The following CFAP300 variants were observed in gnomAD, a reference collection of about 807,000 sequenced individuals.
CFAP300 encodes cilia- and flagella-associated protein 300.
A neutral mutation model predicts 33.0 loss-of-function variants in CFAP300; 32 were observed. The observed-to-expected ratio is 0.97, with a 90% CI of 0.73 to 1.30. CFAP300 has a LOEUF of 1.30. Ranked by LOEUF, CFAP300 falls within the 50% of genes most tolerant of loss-of-function variation. The pLI, the probability that CFAP300 is intolerant of heterozygous loss-of-function variation, is 0.00. For missense variants in CFAP300, 356 were observed against 318.1 expected, an observed-to-expected ratio of 1.12 and a Z score of -0.90; for synonymous variants, 102 against 106.8, an observed-to-expected ratio of 0.95 and a Z score of 0.28.
At chr11:102,067,255 G>A (rs954924157) in intron 4 of CFAP300, among the ~76,000 whole-genome samples, 6 of 152,292 alleles carry the variant, frequency 3.9e-5, no homozygotes, top group South Asian at 2.1e-4. Flanking sequence ...CCAGCTGCTC[G>A]GAAGGCTGAA....
chr11:102,075,809 A>T, intron 4 of CFAP300, 64 bp from the exon 5 acceptor site: 2 of 1,304,012 alleles, frequency 1.5e-6, no homozygotes, highest in Non-Finnish European at 2.1e-6. Context: ...ATAAAATGAA[A>T]CCTTTGAAAA....
intron 1 of CFAP300, 69 bp from the exon 2 acceptor site, chr11:102,047,746 G>A: frequency 6.4e-7 from 1 of 1,562,734 alleles, no homozygotes; most frequent in Non-Finnish European, 8.7e-7. Context: ...CTGTGGGTGG[G>A]ATCGGTTATC....
In CFAP300 at chr11:102,047,820, T is replaced by C; in HGVS notation, c.116T>C (p.Met39Thr). 8.1e-6 allele frequency: 13 copies of C among 1,614,150 alleles called. No homozygotes were observed. Among genetic ancestry groups the C allele is most frequent in the Non-Finnish European group, 1.1e-5 (13 of 1,180,006 alleles). Reference sequence around the variant, plus strand: ...TTTTTCCTCCTCTGCCCCAGGTCCATGCTGGGCAGAATCAAGGCGCAGGCG... The same window carrying C: ...TTTTTCCTCCTCTGCCCCAGGTCCACGCTGGGCAGAATCAAGGCGCAGGCG... ...EITSRLRQWS[M>T]LGRIKAQAFG... The change falls in exon 2 of 7, where the codon ATG (methionine) becomes ACG (threonine). Residue 39 changes from methionine to threonine, a missense_variant. Physicochemically the swap from Met to Thr is moderately conservative, Grantham distance 81 (BLOSUM62 -1). Coordinates refer to ENST00000434758, the MANE Select transcript of CFAP300 (RefSeq NM_032930.3).
intron 2 of CFAP300, among the ~76,000 whole-genome samples, chr11:102,056,942 A>G (rs1942068448): frequency 6.6e-6 from 1 of 151,542 alleles, no homozygotes; most frequent in South Asian, 2.1e-4. Flanking sequence ...TATTTTTTAT[A>G]TGCCTATTTT....
intron 2 of CFAP300, among the ~76,000 whole-genome samples, chr11:102,050,137 A>G (rs1941947757): frequency 6.6e-6 from 1 of 152,168 alleles, no homozygotes; most frequent in Non-Finnish European, 1.5e-5. Flanking sequence ...CTCAAAAAAA[A>G]AATAATTTCT....
At chr11:102,079,278 C>T (rs185674649) in intron 5 of CFAP300, among the ~76,000 whole-genome samples, 9 of 151,992 alleles carry the variant, frequency 5.9e-5, no homozygotes, top group Admixed American at 4.6e-4. Flanking sequence ...TTATATTGAC[C>T]TAGGTGATTA....
intron 4 of CFAP300, among the ~76,000 whole-genome samples, chr11:102,074,158 C>G (rs532644395): frequency 7.7e-6 from 1 of 130,010 alleles, no homozygotes; most frequent in Non-Finnish European, 1.6e-5. Context: ...GGATGCAGTC[C>G]GGTAGGAGTT....
At chr11:102,053,583 C>CA (rs568610003) in intron 2 of CFAP300, among the ~76,000 whole-genome samples, 1 of 136,442 alleles carries the variant, frequency 7.3e-6, no homozygotes, top group Non-Finnish European at 1.6e-5. Flanking sequence ...AACAAACAAA[C>CA]AAAAACCTTC....
intron 2 of CFAP300, among the ~76,000 whole-genome samples, chr11:102,055,540 G>T (rs1165475246): frequency 6.6e-6 from 1 of 151,108 alleles, no homozygotes; most frequent in Non-Finnish European, 1.5e-5. Context: ...TGTATTTTTA[G>T]TAGAGATGGG....
At chr11:102,064,296 G>A (rs1254025695) in intron 3 of CFAP300, among the ~76,000 whole-genome samples, 2 of 152,136 alleles carry the variant, frequency 1.3e-5, no homozygotes, top group Admixed American at 6.5e-5. Context: ...CCCTCCTCCT[G>A]TGTCCACTGA....
At position 102,056,927 on chromosome 11, in the gene CFAP300, A is replaced by G. The variant is rs956493891; in HGVS notation, c.193-1953A>G. On this transcript the variant is annotated intron_variant, in intron 2 of 6. Coordinates refer to ENST00000434758, the MANE Select transcript of CFAP300 (RefSeq NM_032930.3). ...GGCCTGAGCCACCGCACCTGGCCCT[A>G]TTTTTATTTTTTATATGCCTATTTT... Among the ~76,000 whole-genome samples, 3 of 151,838 alleles carry G rather than the reference A, an allele frequency of 2.0e-5. No homozygotes were observed. In the South Asian group the frequency reaches 6.2e-4, roughly 32 times the overall value.
chr11:102,076,179 C>G, intron 5 of CFAP300, 134 bp downstream of exon 5: 2 of 934,912 alleles, frequency 2.1e-6, no homozygotes, highest in East Asian at 6.2e-5. Flanking sequence ...CTACCCTTAC[C>G]CCCCTCTCAT....
intron 2 of CFAP300, among the ~76,000 whole-genome samples, chr11:102,054,236 C>T (rs890318847): frequency 7.9e-5 from 12 of 152,176 alleles, no homozygotes; most frequent in Non-Finnish European, 1.3e-4. Context: ...TTCCCAATGC[C>T]GTTAGATTAT....
chr11:102,073,530 C>T (rs1942347281), intron 4 of CFAP300, among the ~76,000 whole-genome samples: 1 of 152,140 alleles, frequency 6.6e-6, no homozygotes, highest in Non-Finnish European at 1.5e-5. Context: ...GTGAGTTGGG[C>T]AGGGTGATCC....
At chr11:102,054,159 T>C (rs1192450398) in intron 2 of CFAP300, among the ~76,000 whole-genome samples, 1 of 152,212 alleles carries the variant, frequency 6.6e-6, no homozygotes, top group Non-Finnish European at 1.5e-5. Context: ...AGTATACCCC[T>C]TTGCCCAGCT....
chr11:102,049,038 A>G (rs1192221380), intron 2 of CFAP300, among the ~76,000 whole-genome samples: 1 of 152,356 alleles, frequency 6.6e-6, no homozygotes, highest in African/African-American at 2.4e-5. Context: ...GCAAGACTAC[A>G]ATAAATGAAA....
At position 102,083,082 on chromosome 11, in the gene CFAP300, T is replaced by C. The variant is rs1299441055; in HGVS notation, c.687T>C (p.Gly229=). The change falls in exon 7 of 7, where the codon GGT becomes GGC. Residue 229 remains glycine, a synonymous_variant. Transcript: ENST00000434758. ...VFKVSAYDSA[G]MCYPSAKNHE... is the part of the protein sequence containing the mutation. ...TTTGTCTTTTTCAGGATTCTGCTGG[T>C]ATGTGCTATCCTTCAGCAAAGAATC... 2.1e-6 allele frequency: 3 copies of C among 1,459,866 alleles called. No individual in the cohort carries two copies. Among genetic ancestry groups the C allele is most frequent in the Non-Finnish European group, 2.7e-6 (3 of 1,101,742 alleles). The allele number at this position is 1,459,866 out of a possible 1,614,324, so 90.4% of individuals were successfully genotyped here. A position where few individuals can be genotyped will look rare whatever the true frequency, so the allele number is the denominator to read the frequency against.
At chr11:102,047,765 C>G (rs773073500) in intron 1 of CFAP300, 50 bp from the exon 2 acceptor site, 12 of 1,597,940 alleles carry the variant, frequency 7.5e-6, no homozygotes, top group Non-Finnish European at 1.0e-5. Flanking sequence ...TCGGTGCGCT[C>G]TGAGAGGGTG....
intron 2 of CFAP300, among the ~76,000 whole-genome samples, chr11:102,051,701 A>AT (rs1941973959): frequency 6.6e-6 from 1 of 151,942 alleles, no homozygotes; most frequent in African/African-American, 2.4e-5. Context: ...CCCCTTACAC[A>AT]TTTTTATTTA....
Sources: allele counts gnomAD v4.1 joint callset (sites outside exome capture counted in the v4.1 genomes callset), GRCh38; gene constraint gnomAD v4.1.1; transcripts MANE v1.5; gene names NCBI Gene and HGNC (gene_info 2026-07-23, HGNC 2026-07-21).